Variants in GPC6 observed in about 807,000 individuals in gnomAD.
GPC6 encodes glypican-6.
Under a neutral mutation model 55.2 loss-of-function variants are expected in GPC6, and 14 were observed. The observed-to-expected ratio is 0.25, with a 90% CI of 0.17 to 0.40. The LOEUF is 0.40. Ranked by LOEUF, GPC6 falls within the 10% of genes least tolerant of loss-of-function variation. GPC6 has a pLI of 1.00. For missense variants in GPC6, 641 were observed against 708.5 expected (o/e 0.90, Z 1.08); for synonymous variants, 278 against 259.6 (o/e 1.07, Z -0.68).
Position 94,278,026 on chromosome 13 carries a change from C to A in GPC6, c.878-8323C>A, listed in dbSNP as rs993935944. 2.6e-5 allele frequency among the ~76,000 whole-genome samples: 4 copies of A among 152,110 alleles called. No homozygotes were observed. The East Asian group carries it at 5.8e-4, about 22-fold the overall frequency. ...CAGTGAATCTATAAATTACTGTGGGCAGTATGGCCATTTTCATGATATTGG... is the reference window on the plus strand; with the variant it reads ...CAGTGAATCTATAAATTACTGTGGGAAGTATGGCCATTTTCATGATATTGG... On this transcript the variant is annotated intron_variant, in intron 4 of 8. Coordinates refer to ENST00000377047, the MANE Select transcript of GPC6 (RefSeq NM_005708.5).
intron 4 of GPC6, among the ~76,000 whole-genome samples, chr13:94,067,538 T>C (rs1884563374): frequency 6.6e-6 from 1 of 151,862 alleles, no homozygotes; most frequent in South Asian, 2.1e-4. Flanking sequence ...TGGGGTGTGC[T>C]TAATATTCAC....
intron 2 of GPC6, among the ~76,000 whole-genome samples, chr13:93,628,277 G>A (rs1879289454): frequency 5.3e-5 from 8 of 152,178 alleles, no homozygotes; most frequent in Admixed American, 5.2e-4. Context: ...TCCAGGTTCA[G>A]TTCCATCCCT....
chr13:93,974,011 G>A (rs1479271002), intron 3 of GPC6, among the ~76,000 whole-genome samples: 1 of 152,192 alleles, frequency 6.6e-6, no homozygotes, highest in African/African-American at 2.4e-5. Context: ...TGGCCCTGGA[G>A]TATTCTAGCT....
chr13:94,091,455 A>G (rs1885477064), intron 4 of GPC6, among the ~76,000 whole-genome samples: 1 of 152,196 alleles, frequency 6.6e-6, no homozygotes, highest in African/African-American at 2.4e-5. Flanking sequence ...CTACTTTTGC[A>G]AAGAAATCAA....
At chr13:93,501,169 A>T (rs1880507497) in intron 1 of GPC6, among the ~76,000 whole-genome samples, 1 of 152,272 alleles carries the variant, frequency 6.6e-6, no homozygotes, top group South Asian at 2.1e-4. Context: ...AGGATTGCTA[A>T]GCCTGAAAAC....
intron 2 of GPC6, among the ~76,000 whole-genome samples, chr13:93,596,631 AT>A (rs1405427918): frequency 0.011 from 1,641 of 147,448 alleles, 34 homozygotes; most frequent in Admixed American, 0.053. Context: ...ATATATATAT[AT>A]ATAATGTATA....
intron 4 of GPC6, among the ~76,000 whole-genome samples, chr13:94,284,580 AC>A (rs1892478440): frequency 6.6e-6 from 1 of 151,884 alleles, no homozygotes; most frequent in South Asian, 2.1e-4. Flanking sequence ...CCCAAAACAC[AC>A]TATTTATGTC....
intron 2 of GPC6, among the ~76,000 whole-genome samples, chr13:93,742,283 T>A (rs1011448249): frequency 6.6e-6 from 1 of 152,182 alleles, no homozygotes; most frequent in East Asian, 1.9e-4. Flanking sequence ...ATTGTTGAGT[T>A]TAACTCATTT....
rs149249269 is a variant in GPC6 at position 94,209,748 on chromosome 13, C to A, written c.878-76601C>A. ...AAATTTAGTGTTAGAAAATAAATGACTAAAGATTACATAATTGTTGGATCT... is the reference window on the plus strand; with the variant it reads ...AAATTTAGTGTTAGAAAATAAATGAATAAAGATTACATAATTGTTGGATCT... On this transcript the variant is annotated intron_variant, in intron 4 of 8. Coordinates refer to ENST00000377047, the MANE Select transcript of GPC6 (RefSeq NM_005708.5). 2.7e-3 allele frequency among the ~76,000 whole-genome samples: 413 copies of A among 152,062 alleles called. 1 individual carries two copies. Among genetic ancestry groups the A allele is most frequent in the East Asian group, 0.012 (62 of 5,178 alleles).
intron 3 of GPC6, among the ~76,000 whole-genome samples, chr13:93,865,087 A>T (rs1390956821): frequency 2.0e-5 from 3 of 151,646 alleles, no homozygotes; most frequent in African/African-American, 7.3e-5. Flanking sequence ...GTGACACCAT[A>T]AAAAAACTAA....
chr13:93,705,851 T>C (rs1192619474), intron 2 of GPC6, among the ~76,000 whole-genome samples: 1 of 151,296 alleles, frequency 6.6e-6, no homozygotes, highest in African/African-American at 2.4e-5. Flanking sequence ...GAGTAAGTTG[T>C]TTTTATTCCC....
At position 93,878,146 on chromosome 13, in the gene GPC6, G is replaced by C. The variant is rs1046706763; in HGVS notation, c.711+47601G>C. On this transcript the variant is annotated intron_variant, in intron 3 of 8. Coordinates refer to ENST00000377047, the MANE Select transcript of GPC6 (RefSeq NM_005708.5). ...GAGTTTACAGGGAGAGCGATGGGGA[G>C]ATAGAAGAAAAGAGGAGCAGTACTA... Among the ~76,000 whole-genome samples the C allele has an allele frequency of 3.3e-5, 5 of 152,066 alleles. No individual in the cohort carries two copies. The East Asian group carries it at 9.7e-4, about 30-fold the overall frequency.
intron 3 of GPC6, among the ~76,000 whole-genome samples, chr13:94,005,286 G>C (rs541258932): frequency 4.6e-5 from 7 of 152,240 alleles, no homozygotes; most frequent in South Asian, 2.1e-4. Flanking sequence ...GTCGCAGTTT[G>C]TTTGGATTTT....
intron 3 of GPC6, 154 bp downstream of exon 3, chr13:93,830,699 A>C: frequency 1.5e-6 from 1 of 686,726 alleles, no homozygotes; most frequent in Non-Finnish European, 2.4e-6. Context: ...TCAAAGCATA[A>C]TTCTGGCTTT....
At chr13:93,419,868 C>T (rs1876861438) in intron 1 of GPC6, among the ~76,000 whole-genome samples, 1 of 152,170 alleles carries the variant, frequency 6.6e-6, no homozygotes, top group Admixed American at 6.6e-5. Flanking sequence ...AGAATTGAAG[C>T]TATGAAATTG....
intron 6 of GPC6, among the ~76,000 whole-genome samples, chr13:94,368,403 T>C (rs1482951142): frequency 6.6e-6 from 1 of 152,116 alleles, no homozygotes; most frequent in Non-Finnish European, 1.5e-5. Context: ...AGAAGTTTCC[T>C]GAAAGAAAAC....
intron 1 of GPC6, among the ~76,000 whole-genome samples, chr13:93,258,426 G>T (rs1440390233): frequency 3.3e-5 from 5 of 152,100 alleles, no homozygotes; most frequent in African/African-American, 9.7e-5. Flanking sequence ...GGCTACAATG[G>T]TGCCCTTTAT....
rs1365006783 is a variant in GPC6, at chr13:93,276,495, A to AGAGAGT, written c.160+48880_160+48881insAGAGTG. On this transcript the variant is annotated intron_variant, in intron 1 of 8. Transcript: ENST00000377047. ...GAGAGAGAGAGAGAGAGAGAGAGAG[A>AGAGAGT]GTGTGTGTGTGTGTGTGTGTGTGTG... Among the ~76,000 whole-genome samples the AGAGAGT allele has an allele frequency of 3.7e-3, 351 of 94,422 alleles. 2 individuals carry two copies. The highest frequency in any genetic ancestry group is 6.6e-3 in the South Asian group (16 of 2,432). 61.9% of individuals were successfully genotyped at this position (94,422 alleles called of 152,430 possible).
intron 2 of GPC6, among the ~76,000 whole-genome samples, chr13:93,662,030 C>T (rs1200722900): frequency 6.6e-6 from 1 of 152,146 alleles, no homozygotes; most frequent in Non-Finnish European, 1.5e-5. Flanking sequence ...CAAAACTGTT[C>T]AGAAAGACAA....
Sources: gnomAD v4.1 joint callset for allele counts (sites outside exome capture counted in the v4.1 genomes callset) on GRCh38, gnomAD v4.1.1 for gene constraint, MANE v1.5 for transcripts, NCBI Gene and HGNC (gene_info 2026-07-23, HGNC 2026-07-21) for gene names.